SHANK1: variants seen among roughly 807,000 people sequenced by gnomAD.
The protein encoded by SHANK1 is SH3 and multiple ankyrin repeat domains 1.
In SHANK1, 35 loss-of-function variants were observed where a neutral mutation model predicts 165.6. That is an observed-to-expected ratio of 0.21 (90% CI 0.16 to 0.28). The LOEUF (loss-of-function observed/expected upper bound fraction) is 0.28, where lower values mean the gene tolerates loss of function less well. SHANK1 is among the 10% of genes least tolerant of loss of function. SHANK1 has a pLI of 1.00. For synonymous variants in SHANK1, 1,428 were observed against 1,384.8 expected, an observed-to-expected ratio of 1.03 and a Z score of -0.69; for missense variants, 2,681 against 3,036.4, an observed-to-expected ratio of 0.88 and a Z score of 2.75.
In SHANK1 at chr19:50,719,559, G is replaced by A. The variant is rs1430072179; in HGVS notation, c.-197C>T. On this transcript the variant is annotated 5_prime_UTR_variant, in exon 1 of 24. Coordinates refer to ENST00000293441, the MANE Select transcript of SHANK1 (RefSeq NM_016148.5). ...CGGGGAGGGGGCGGGCGGGGACCGG[G>A]GGGGAGGGCGGGAGGGCCGAGGACC... 2.1e-5 allele frequency: 3 copies of A among 146,128 alleles called. No individual in the cohort carries two copies. The highest frequency in any genetic ancestry group is 6.7e-5 in the Admixed American group (1 of 14,952). The allele number at this position is 146,128 out of a possible 1,614,324, so 9.1% of individuals were successfully genotyped here.
At position 50,668,333 on chromosome 19, in the gene SHANK1, C is replaced by T. The variant is rs1379026397; in HGVS notation, c.3627G>A (p.Pro1209=). ...CGGGGGTGGGCACGGGCGAGGGGGA[C>T]GGGGGCACGGGTGACATGGCCGGGG... ...SPAPAMSPVP[P]SPSPVPTPAS... Residue 1209 remains proline (P), a synonymous_variant, in exon 23 of 24, where the codon CCG becomes CCA. Coordinates refer to ENST00000293441, the MANE Select transcript of SHANK1 (RefSeq NM_016148.5). The T allele has an allele frequency of 1.5e-5, 18 of 1,214,768 alleles. No homozygotes were observed. The highest frequency in any genetic ancestry group is 1.9e-5 in the Non-Finnish European group (18 of 966,528). 75.2% of individuals were successfully genotyped at this position (1,214,768 alleles called of 1,614,324 possible).
In SHANK1 at chr19:50,661,835, G is replaced by A; in HGVS notation, c.*130C>T. The A allele has an allele frequency of 2.9e-6, 3 of 1,037,896 alleles. No individual in the cohort carries two copies. Among genetic ancestry groups the A allele is most frequent in the Non-Finnish European group, 4.3e-6 (3 of 701,314 alleles). 64.3% of individuals were successfully genotyped at this position (1,037,896 alleles called of 1,614,324 possible). ...GCCACCTGGTGACCTCTGGCCTTGG[G>A]AGATGAGGGCAGGGCGCAGTTTGAA... is the stretch of plus-strand genomic sequence containing the variant. On this transcript the variant is annotated 3_prime_UTR_variant, in exon 24 of 24. Transcript: ENST00000293441.
Position 50,687,936 on chromosome 19 carries a change from T to C in SHANK1, c.2295A>G (p.Ala765=), listed in dbSNP as rs201666701. The change falls in exon 18 of 24, where the codon GCA becomes GCG. Residue 765 remains alanine, a synonymous_variant. Transcript: ENST00000293441. ...CCGCAGGAGCACCTTTCTTGTGCAC[T>C]GCCTCATCCATGTCCGGGTGCCTGG... ...MVTRHPDMDE[A]VHKKAPQQAK... The C allele has an allele frequency of 3.7e-6, 6 of 1,613,996 alleles. No homozygotes were observed. In the African/African-American group the frequency reaches 4.0e-5, roughly 11 times the overall value.
At chr19:50,691,017 C>T (rs547556741) in intron 15 of SHANK1, among the ~76,000 whole-genome samples, 4 of 152,128 alleles carry the variant, frequency 2.6e-5, no homozygotes, top group South Asian at 2.1e-4. Flanking sequence ...CCTAACACCA[C>T]GCATGTTCAC....
At position 50,715,660 on chromosome 19, in the gene SHANK1, T is replaced by C; in HGVS notation, c.530A>G (p.Lys177Arg). ...DEKQLAKLHT[K>R]TGLKKFLEYV... is the part of the protein sequence containing the mutation. The stretch of plus-strand genomic sequence containing the variant: ...TAGATGCCAGCAGGGTTTTCTCACC[T>C]TCGTGTGCAACTTGGCCAGCTGCTT... The change falls in exon 4 of 24, where the codon AAG becomes AGG. Residue 177 changes from lysine (K) to arginine (R), a missense_variant and splice_region_variant. Lys to Arg is a conservative substitution (Grantham distance 26, BLOSUM62 2). This residue lies in a region of SHANK1 where 189 missense variants were observed against 440.9 expected (regional missense o/e 0.43). Coordinates refer to ENST00000293441, the MANE Select transcript of SHANK1 (RefSeq NM_016148.5). 6.2e-7 allele frequency: 1 copy of C among 1,613,982 alleles called. No individual in the cohort carries two copies. The highest frequency in any genetic ancestry group is 1.1e-5 in the South Asian group (1 of 91,074).
chr19:50,674,003 G>A (rs1221388048), intron 21 of SHANK1, among the ~76,000 whole-genome samples: 1 of 151,766 alleles, frequency 6.6e-6, no homozygotes, highest in East Asian at 1.9e-4. Flanking sequence ...ATGTTGCCCA[G>A]GCTCATCTCA....
At position 50,664,753 on chromosome 19, in the gene SHANK1, GT is replaced by G. The variant is rs1407505691; in HGVS notation, c.5768+1438del. ...AGCAGGTCTCACTCCAGTCTCCTTT[GT>G]TAATAACTTTTTTTTTTTGAGACGG... On this transcript the variant is annotated intron_variant, in intron 23 of 23. Transcript: ENST00000293441. 6.6e-5 allele frequency among the ~76,000 whole-genome samples: 10 copies of G among 152,204 alleles called. No homozygotes were observed. The South Asian group carries it at 2.1e-3, about 32-fold the overall frequency.
chr19:50,673,431 C>T (rs756830526), intron 21 of SHANK1, among the ~76,000 whole-genome samples: 15 of 152,164 alleles, frequency 9.9e-5, no homozygotes, highest in Non-Finnish European at 1.6e-4. Context: ...CATTGGAGAA[C>T]ACCTGCGAGC....
In SHANK1 at chr19:50,703,776, G is replaced by C; in HGVS notation, c.1277C>G (p.Thr426Arg). The C allele has an allele frequency of 2.8e-6, 4 of 1,429,990 alleles. No homozygotes were observed. The highest frequency in any genetic ancestry group is 3.6e-6 in the Non-Finnish European group (4 of 1,096,716). 88.6% of individuals were successfully genotyped at this position (1,429,990 alleles called of 1,614,324 possible). A position where few individuals can be genotyped will look rare whatever the true frequency, so the allele number is the denominator to read the frequency against. ...CAGCGCCGGGGGCACCGTCAGCCCTGTGCCTGGGGGCCCCCGTCGCCGGGC... is the reference window on the plus strand; with the variant it reads ...CAGCGCCGGGGGCACCGTCAGCCCTCTGCCTGGGGGCCCCCGTCGCCGGGC... ...YAARRRGPPG[T>R]GLTVPPALLR... Residue 426 changes from threonine to arginine, a missense_variant, in exon 11 of 24, where the codon ACA (threonine) becomes AGA (arginine). This residue lies in a region of SHANK1 where 49 missense variants were observed against 55.6 expected (regional missense o/e 0.88). Transcript: ENST00000293441.
At chr19:50,671,783 G>C (rs1985802674) in intron 22 of SHANK1, among the ~76,000 whole-genome samples, 1 of 152,110 alleles carries the variant, frequency 6.6e-6, no homozygotes, top group South Asian at 2.1e-4. Context: ...TCCAGATGTA[G>C]AGCCAGAGGC....
chr19:50,714,433 A>C (rs1402843461), intron 4 of SHANK1, 143 bp from the exon 5 acceptor site: 1 of 711,216 alleles, frequency 1.4e-6, no homozygotes, highest in African/African-American at 1.8e-5. Flanking sequence ...CTTTACAGAG[A>C]AAATACCCAG....
Position 50,668,670 on chromosome 19 carries a change from T to C in SHANK1, c.3290A>G (p.Tyr1097Cys). ...GCCGCGGCCCGAGCGGGCGGGCACG[T>C]ACATGGCTGCGCTGGCCGCCCGCGG... The part of the protein sequence containing the change: ...LPPRAASAAM[Y>C]VPARSGRGRK... The change falls in exon 23 of 24, where the codon TAC becomes TGC. Residue 1097 changes from tyrosine to cysteine, a missense_variant. Tyr to Cys is a radical substitution (Grantham distance 194, BLOSUM62 -2). Coordinates refer to ENST00000293441, the MANE Select transcript of SHANK1 (RefSeq NM_016148.5). 1 of 1,344,912 alleles carries C rather than the reference T, an allele frequency of 7.4e-7. No individual in the cohort carries two copies. The highest frequency in any genetic ancestry group is 1.9e-5 in the South Asian group (1 of 52,470). 83.3% of individuals were successfully genotyped at this position (1,344,912 alleles called of 1,614,324 possible). A position where few individuals can be genotyped will look rare whatever the true frequency, so the allele number is the denominator to read the frequency against.
At chr19:50,691,215 C>T (rs1986528590) in intron 15 of SHANK1, among the ~76,000 whole-genome samples, 1 of 152,080 alleles carries the variant, frequency 6.6e-6, no homozygotes, top group Non-Finnish European at 1.5e-5. Context: ...GCCGAGAAGG[C>T]CAGAACAGCA....
At position 50,713,985 on chromosome 19, in the gene SHANK1, T is replaced by G; in HGVS notation, c.641-36A>C. 1 of 1,610,598 alleles carries G rather than the reference T, an allele frequency of 6.2e-7. No homozygotes were observed. The stretch of plus-strand genomic sequence containing the variant: ...GGAAAAGCTGGTCACATGAAGCCCC[T>G]TCTCCTCCCCTCCATCCCTTCCCAT... On this transcript the variant is annotated intron_variant, in intron 5 of 23. Transcript: ENST00000293441. The surrounding 1 kb of genome is among the most constrained non-coding windows in gnomAD (Gnocchi z 6.2).
intron 23 of SHANK1, among the ~76,000 whole-genome samples, chr19:50,665,355 A>C (rs1985437152): frequency 1.3e-5 from 2 of 152,048 alleles, no homozygotes; most frequent in South Asian, 4.1e-4. Flanking sequence ...ACCTTAGGTC[A>C]GGAGTTCAAG....
chr19:50,709,994 C>T (rs539007749), intron 8 of SHANK1, among the ~76,000 whole-genome samples: 3 of 152,318 alleles, frequency 2.0e-5, no homozygotes, highest in East Asian at 1.9e-4. Flanking sequence ...TTAGTATACA[C>T]GATGGCTCAC....
chr19:50,668,653 C>T lies in SHANK1; in HGVS notation c.3307G>A (p.Gly1103Ser). Residue 1103 changes from glycine to serine, a missense_variant, in exon 23 of 24, where the codon GGC becomes AGC. Around this residue, in one of 10 missense-constraint regions of SHANK1, gnomAD observed 1,713 missense variants for 1,630.2 expected, o/e 1.05. Transcript: ENST00000293441. ...SAAMYVPARS[G>S]RGRKGPLVKQ... ...ACCAGCGGGCCCTTGCGGCCGCGGCCCGAGCGGGCGGGCACGTACATGGCT... is the reference window on the plus strand; with the variant it reads ...ACCAGCGGGCCCTTGCGGCCGCGGCTCGAGCGGGCGGGCACGTACATGGCT... 7.3e-7 allele frequency: 1 copy of T among 1,364,390 alleles called. No individual in the cohort carries two copies. The highest frequency in any genetic ancestry group is 9.4e-7 in the Non-Finnish European group (1 of 1,058,286). The allele number at this position is 1,364,390 out of a possible 1,614,324, so 84.5% of individuals were successfully genotyped here. A position where few individuals can be genotyped will look rare whatever the true frequency, so the allele number is the denominator to read the frequency against.
Position 50,698,000 on chromosome 19 carries a change from G to C in SHANK1, c.1748-44C>G. 1.4e-6 allele frequency: 2 copies of C among 1,402,592 alleles called. No individual in the cohort carries two copies. The highest frequency in any genetic ancestry group is 2.0e-6 in the Non-Finnish European group (2 of 1,000,568). The allele number at this position is 1,402,592 out of a possible 1,614,324, so 86.9% of individuals were successfully genotyped here. A position where few individuals can be genotyped will look rare whatever the true frequency, so the allele number is the denominator to read the frequency against. Reference sequence around the variant, plus strand: ...CATAGAGACATTTCTGTGTTTCTGTGCTGCCCCTCAACTGCCAACACACTC... The same window carrying C: ...CATAGAGACATTTCTGTGTTTCTGTCCTGCCCCTCAACTGCCAACACACTC... On this transcript the variant is annotated intron_variant, in intron 12 of 23. Coordinates refer to ENST00000293441, the MANE Select transcript of SHANK1 (RefSeq NM_016148.5). This position sits in a 1 kb window ranked among gnomAD's most constrained non-coding sequence, Gnocchi z 4.7.
intron 15 of SHANK1, among the ~76,000 whole-genome samples, chr19:50,695,172 C>T (rs1290938242): frequency 1.4e-5 from 2 of 145,364 alleles, no homozygotes; most frequent in Non-Finnish European, 3.1e-5. Flanking sequence ...CATGCTGACC[C>T]GCGCCGGGAG....
Sources: gnomAD v4.1 joint callset for allele counts (sites outside exome capture counted in the v4.1 genomes callset) on GRCh38, gnomAD v4.1.1 for gene constraint, gnomAD v4.1.1 regional missense constraint, Gnocchi (gnomAD v3.1) non-coding constraint, MANE v1.5 for transcripts, NCBI Gene and HGNC (gene_info 2026-07-23, HGNC 2026-07-21) for gene names.